Variants in TNR observed in about 807,000 individuals in gnomAD.
TNR encodes tenascin R, also known as tenascin-R.
In TNR, 45 loss-of-function variants were observed where a neutral mutation model predicts 150.4. The ratio of observed to expected loss-of-function variants is 0.30; its 90% confidence interval spans 0.24 to 0.38. TNR has a LOEUF of 0.38. TNR is among the 10% of genes least tolerant of loss of function. The pLI, the probability that TNR is intolerant of heterozygous loss-of-function variation, is 1.00. For synonymous variants in TNR, 687 were observed against 678.4 expected (o/e 1.01, Z -0.20); for missense variants, 1,544 against 1,759.1 (o/e 0.88, Z 2.19).
chr1:175,386,394 G>T, intron 7 of TNR, 93 bp from the exon 8 acceptor site: 1 of 1,335,244 alleles, frequency 7.5e-7, no homozygotes, highest in Non-Finnish European at 9.9e-7. Flanking sequence ...GAAGTCTGGT[G>T]AGTCAGAGAG....
At chr1:175,714,322 G>C in intron 1 of TNR, among the ~76,000 whole-genome samples, 1 of 152,092 alleles carries the variant, frequency 6.6e-6, no homozygotes, top group East Asian at 1.9e-4. Context: ...GTTGCCTGAT[G>C]AAGGCAGATG....
intron 18 of TNR, among the ~76,000 whole-genome samples, 172 bp from the exon 19 acceptor site, chr1:175,337,851 C>T (rs1007284488): frequency 5.3e-5 from 8 of 152,196 alleles, no homozygotes; most frequent in African/African-American, 1.9e-4. Flanking sequence ...TCTTGGATTT[C>T]CCTTCCACAA....
rs150488926 is a variant in TNR, at chr1:175,407,666, G to A, written c.-63-889C>T. Among the ~76,000 whole-genome samples the A allele has an allele frequency of 1.1e-3, 169 of 152,306 alleles. 2 individuals carry two copies. Among genetic ancestry groups the A allele is most frequent in the African/African-American group, 3.8e-3 (158 of 41,558 alleles). On this transcript the variant is annotated intron_variant, in intron 2 of 22. Transcript: ENST00000367674. ...AGGGACCAAGTGAGTGTGACTATTC[G>A]TCGGAGAAGAAGGTCACAACTAGGA...
chr1:175,381,617 AC>A (rs1031798884), intron 8 of TNR, among the ~76,000 whole-genome samples: 9 of 152,170 alleles, frequency 5.9e-5, no homozygotes, highest in African/African-American at 2.2e-4. Context: ...CACCAAGGGC[AC>A]CCCTGTAGGT....
chr1:175,363,639 G>T, intron 13 of TNR, 69 bp downstream of exon 13: 1 of 1,559,426 alleles, frequency 6.4e-7, no homozygotes, highest in Non-Finnish European at 8.7e-7. Flanking sequence ...TGTTCTGCGG[G>T]ATATGCTAGT....
chr1:175,738,092 C>T (rs908977137), intron 1 of TNR, among the ~76,000 whole-genome samples: 1 of 152,100 alleles, frequency 6.6e-6, no homozygotes, highest in Non-Finnish European at 1.5e-5. Context: ...TGTGCACCAG[C>T]CCCAAGTATC....
At chr1:175,519,046 T>A (rs1298593258) in intron 2 of TNR, among the ~76,000 whole-genome samples, 2 of 152,222 alleles carry the variant, frequency 1.3e-5, no homozygotes, top group Non-Finnish European at 2.9e-5. Context: ...TACAAAATTC[T>A]GCCACTTTCT....
At chr1:175,417,337 G>A (rs1571411055) in intron 2 of TNR, among the ~76,000 whole-genome samples, 1 of 152,104 alleles carries the variant, frequency 6.6e-6, no homozygotes, top group East Asian at 1.9e-4. Context: ...GGCAGTGGGT[G>A]GGAGAGGGGG....
At position 175,391,400 on chromosome 1, in the gene TNR, A is replaced by G. The variant is rs754863297; in HGVS notation, c.1395T>C (p.Asp465=). The change falls in exon 7 of 23, where the codon GAT becomes GAC. Residue 465 remains aspartate, a synonymous_variant. Transcript: ENST00000367674. The part of the protein sequence containing the change: ...EGGVIAQVPS[D]VTSFNQTGLK... ...GTCCTGTCTGGTTAAAGGACGTAACATCGCTGGGGACCTGAGCAATCACTC... is the reference window on the plus strand; with the variant it reads ...GTCCTGTCTGGTTAAAGGACGTAACGTCGCTGGGGACCTGAGCAATCACTC... The G allele has an allele frequency of 6.2e-7, 1 of 1,614,234 alleles. No homozygotes were observed. Among genetic ancestry groups the G allele is most frequent in the Non-Finnish European group, 8.5e-7 (1 of 1,180,038 alleles).
chr1:175,388,003 G>A (rs1026441790), intron 7 of TNR, among the ~76,000 whole-genome samples: 2 of 152,212 alleles, frequency 1.3e-5, no homozygotes, highest in Non-Finnish European at 2.9e-5. Context: ...CATATTTGAG[G>A]TAGTAATGTG....
chr1:175,649,911 G>A (rs1664904802), intron 1 of TNR, among the ~76,000 whole-genome samples: 1 of 152,046 alleles, frequency 6.6e-6, no homozygotes, highest in South Asian at 2.1e-4. Context: ...TCCTCTGCCT[G>A]GAAGATGTTT....
chr1:175,722,719 C>T (rs1200899389), intron 1 of TNR, among the ~76,000 whole-genome samples: 1 of 152,084 alleles, frequency 6.6e-6, no homozygotes, highest in Non-Finnish European at 1.5e-5. Flanking sequence ...CCTGCCTCAG[C>T]CTTCCAAAGT....
At chr1:175,532,609 TA>T (rs1248102255) in intron 1 of TNR, among the ~76,000 whole-genome samples, 1 of 152,210 alleles carries the variant, frequency 6.6e-6, no homozygotes, top group Non-Finnish European at 1.5e-5. Flanking sequence ...TTGAAAATAA[TA>T]AACATTTATT....
At chr1:175,482,099 A>T (rs1214715408) in intron 2 of TNR, among the ~76,000 whole-genome samples, 1 of 152,220 alleles carries the variant, frequency 6.6e-6, no homozygotes. Context: ...GAGCAGACAC[A>T]GTTTTCTTTT....
In TNR at chr1:175,623,540, A is replaced by C. The variant is rs566273243; in HGVS notation, c.-164-95171T>G. Among the ~76,000 whole-genome samples, 3 of 152,240 alleles carry C rather than the reference A, an allele frequency of 2.0e-5. No individual in the cohort carries two copies. In the South Asian group the frequency reaches 6.2e-4, roughly 32 times the overall value. ...TCTTTTTCTGGCCACATTGCTTTTC[A>C]TTCCACATCAAGCCCCGTGGGACAC... On this transcript the variant is annotated intron_variant, in intron 1 of 22. Transcript: ENST00000367674.
intron 1 of TNR, among the ~76,000 whole-genome samples, chr1:175,596,730 G>A (rs1233859225): frequency 1.3e-5 from 2 of 152,278 alleles, no homozygotes; most frequent in East Asian, 3.9e-4. Flanking sequence ...TCTCCTCTCA[G>A]ATTTAACACT....
intron 1 of TNR, among the ~76,000 whole-genome samples, chr1:175,685,197 T>C (rs1044122949): frequency 6.6e-6 from 1 of 152,188 alleles, no homozygotes; most frequent in Non-Finnish European, 1.5e-5. Context: ...CACCTTTTTG[T>C]CCCTCAGTAA....
Position 175,403,165 on chromosome 1 carries a change from G to A in TNR, c.951C>T (p.Gly317=), listed in dbSNP as rs1490921335. ...CTGCTGAGCAGTCAGGGCCCTGGTA[G>A]CCCTCTTCACAGACGCAGAGCCCCT... is the stretch of plus-strand genomic sequence containing the variant. ...CEEGLCVCEE[G]YQGPDCSAVA... is the part of the protein sequence containing the mutation. Residue 317 remains glycine, a synonymous_variant, in exon 4 of 23, where the codon GGC becomes GGT. Coordinates refer to ENST00000367674, the MANE Select transcript of TNR (RefSeq NM_003285.3). 6.2e-7 allele frequency: 1 copy of A among 1,613,486 alleles called. No individual in the cohort carries two copies. The highest frequency in any genetic ancestry group is 1.3e-5 in the African/African-American group (1 of 74,904).
At chr1:175,415,172 G>A (rs560961546) in intron 2 of TNR, among the ~76,000 whole-genome samples, 23 of 144,848 alleles carry the variant, frequency 1.6e-4, no homozygotes, top group Admixed American at 8.3e-4. Flanking sequence ...GTTAGAATTC[G>A]TTTAAAAATA....
Sources: gnomAD v4.1 joint callset for allele counts (sites outside exome capture counted in the v4.1 genomes callset) on GRCh38, gnomAD v4.1.1 for gene constraint, MANE v1.5 for transcripts, NCBI Gene and HGNC (gene_info 2026-07-23, HGNC 2026-07-21) for gene names.